Variants in ZNF735 observed in about 807,000 individuals in gnomAD.
ZNF735 encodes the protein putative zinc finger protein 735.
In ZNF735, 11 loss-of-function variants were observed where a neutral mutation model predicts 13.4. That is an observed-to-expected ratio of 0.82 (90% CI 0.52 to 1.36). The LOEUF is 1.36. ZNF735 is among the 40% of genes most tolerant of loss of function. The probability of loss-of-function intolerance (pLI) is 0.00; values close to 1 mark genes in which losing one functional copy is unlikely to be tolerated. For synonymous variants in ZNF735, 171 were observed against 162.6 expected, an observed-to-expected ratio of 1.05 and a Z score of -0.39; for missense variants, 500 against 484.6, an observed-to-expected ratio of 1.03 and a Z score of -0.30.
At chr7:64,215,651 CA>C (rs1465738344) in intron 3 of ZNF735, among the ~76,000 whole-genome samples, 4 of 135,476 alleles carry the variant, frequency 3.0e-5, no homozygotes, top group Non-Finnish European at 6.5e-5. Context: ...CTAAGAGTTT[CA>C]TTTTTTTTTT....
At chr7:64,208,414 G>A (rs774196952) in intron 1 of ZNF735, among the ~76,000 whole-genome samples, 1 of 151,264 alleles carries the variant, frequency 6.6e-6, no homozygotes, top group Non-Finnish European at 1.5e-5. Context: ...AGGCCACCAC[G>A]CCCAACTAAT....
intron 3 of ZNF735, among the ~76,000 whole-genome samples, chr7:64,218,383 T>C (rs1787446478): frequency 6.6e-6 from 1 of 152,160 alleles, no homozygotes; most frequent in South Asian, 2.1e-4. Flanking sequence ...TTTGCTTAAA[T>C]ATGTGTTATG....
At chr7:64,213,167 A>T in exon 2 of ZNF735, 2 of 1,612,954 alleles carry the variant, frequency 1.2e-6, no homozygotes, top group Non-Finnish European at 1.7e-6. Flanking sequence ...TGCTCAGCAG[A>T]ATTTATATAG....
intron 3 of ZNF735, among the ~76,000 whole-genome samples, chr7:64,216,906 G>A (rs1165787689): frequency 6.6e-6 from 1 of 152,120 alleles, no homozygotes; most frequent in Non-Finnish European, 1.5e-5. Flanking sequence ...GCACCTGGCT[G>A]ATCTTTTTAA....
At chr7:64,215,388 A>G (rs1266012423) in intron 3 of ZNF735, among the ~76,000 whole-genome samples, 2 of 152,136 alleles carry the variant, frequency 1.3e-5, no homozygotes, top group Admixed American at 1.3e-4. Context: ...AAGTAATTCA[A>G]TTACTGTTGT....
chr7:64,207,387 C>G (rs1787301599), intron 1 of ZNF735, 146 bp downstream of exon 1: 1 of 1,482,170 alleles, frequency 6.7e-7, no homozygotes, highest in Admixed American at 1.9e-5. Context: ...GGCTGTTAGC[C>G]CCCTCCAGCC....
intron 3 of ZNF735, 84 bp downstream of exon 3, chr7:64,214,192 A>C: frequency 7.3e-7 from 1 of 1,377,966 alleles, no homozygotes; most frequent in Non-Finnish European, 9.8e-7. Context: ...TGTGGTCTGC[A>C]GAGCTGTGCT....
At chr7:64,217,121 G>A (rs1353171578) in intron 3 of ZNF735, among the ~76,000 whole-genome samples, 10 of 152,104 alleles carry the variant, frequency 6.6e-5, no homozygotes, top group African/African-American at 2.2e-4. Flanking sequence ...TTTGCATCAC[G>A]GAGACAAATC....
At chr7:64,220,278 CAAATGT>C in exon 4 of ZNF735, 1 of 1,608,256 alleles carries the variant, frequency 6.2e-7, no homozygotes, top group Non-Finnish European at 8.5e-7. Flanking sequence ...AGAAACCCTA[CAAATGT>C]AAATAATGTG....
exon 3 of ZNF735, chr7:64,214,049 T>C: frequency 6.2e-7 from 1 of 1,600,482 alleles, no homozygotes; most frequent in Non-Finnish European, 8.5e-7. Flanking sequence ...ATCGCCTGTC[T>C]GGAGCAAAAT....
chr7:64,207,909 C>T (rs1042666853), intron 1 of ZNF735, among the ~76,000 whole-genome samples: 1 of 151,946 alleles, frequency 6.6e-6, no homozygotes, highest in African/African-American at 2.4e-5. Flanking sequence ...ATCACCTGAA[C>T]CCGGGAGGCG....
chr7:64,216,477 C>G (rs575403251), intron 3 of ZNF735, among the ~76,000 whole-genome samples: 84 of 151,932 alleles, frequency 5.5e-4, no homozygotes, highest in African/African-American at 1.9e-3. Context: ...ATTATTTGAC[C>G]CTGTGCAAGA....
At chr7:64,212,971 C>A in intron 1 of ZNF735, 121 bp from the exon 2 acceptor site, 1 of 1,033,166 alleles carries the variant, frequency 9.7e-7, no homozygotes, top group South Asian at 1.6e-5. Context: ...TAATTTCAGT[C>A]ACTCTTGTAA....
intron 1 of ZNF735, among the ~76,000 whole-genome samples, chr7:64,210,857 G>T (rs1172913007): frequency 1.3e-5 from 2 of 152,188 alleles, no homozygotes; most frequent in East Asian, 3.8e-4. Context: ...CAGGTGAATA[G>T]GTTGTGCTTT....
intron 1 of ZNF735, among the ~76,000 whole-genome samples, chr7:64,207,562 T>C (rs1787303974): frequency 6.6e-6 from 1 of 152,208 alleles, no homozygotes; most frequent in African/African-American, 2.4e-5. Flanking sequence ...GGGAGAATCC[T>C]GACACAGGGT....
At chr7:64,210,891 G>T (rs1787352133) in intron 1 of ZNF735, among the ~76,000 whole-genome samples, 1 of 152,148 alleles carries the variant, frequency 6.6e-6, no homozygotes. Flanking sequence ...CAAGATGCAG[G>T]TTTGATATGT....
chr7:64,219,649 C>T, exon 4 of ZNF735: 1 of 1,581,946 alleles, frequency 6.3e-7, no homozygotes, highest in South Asian at 1.1e-5. Context: ...GTTTTCACAC[C>T]TAAATCAACA....
At chr7:64,218,764 C>G (rs567357837) in intron 3 of ZNF735, among the ~76,000 whole-genome samples, 1 of 152,146 alleles carries the variant, frequency 6.6e-6, no homozygotes, top group Non-Finnish European at 1.5e-5. Context: ...TAATGCAGCT[C>G]TTTCTTGGCA....
At chr7:64,219,767 A>C in exon 4 of ZNF735, 1 of 1,610,792 alleles carries the variant, frequency 6.2e-7, no homozygotes, top group Non-Finnish European at 8.5e-7. Context: ...ACTGGAGAGA[A>C]ACCCTACAGA....
Sources: gnomAD v4.1 joint callset for allele counts (sites outside exome capture counted in the v4.1 genomes callset) on GRCh38, gnomAD v4.1.1 for gene constraint, MANE v1.5 for transcripts, NCBI Gene and HGNC (gene_info 2026-07-23, HGNC 2026-07-21) for gene names.